The following MARCHF4 variants were observed in gnomAD, a reference collection of about 807,000 sequenced individuals.
MARCHF4 encodes the protein membrane associated ring-CH-type finger 4.
In MARCHF4, 14 loss-of-function variants were observed where a neutral mutation model predicts 43.9. The ratio of observed to expected loss-of-function variants is 0.32; its 90% confidence interval spans 0.21 to 0.50. The LOEUF is 0.50. MARCHF4 is among the 20% of genes least tolerant of loss of function. MARCHF4 has a pLI of 0.98. For missense variants in MARCHF4, 468 were observed against 536.7 expected, an observed-to-expected ratio of 0.87 and a Z score of 1.27; for synonymous variants, 226 against 213.3, an observed-to-expected ratio of 1.06 and a Z score of -0.52.
At chr2:216,265,439 C>G (rs1286839123) in intron 3 of MARCHF4, 1 of 152,260 alleles carries the variant, frequency 6.6e-6, no homozygotes. Flanking sequence ...CACTCCATGT[C>G]CTGCTAATGG....
intron 2 of MARCHF4, among the ~76,000 whole-genome samples, chr2:216,278,596 TTTTTTG>T (rs1283891582): frequency 6.6e-6 from 1 of 152,166 alleles, no homozygotes; most frequent in African/African-American, 2.4e-5. Context: ...GTGCACAGGC[TTTTTTG>T]TTTTTGATTT....
At chr2:216,364,401 G>A (rs1559108633) in intron 1 of MARCHF4, among the ~76,000 whole-genome samples, 1 of 152,108 alleles carries the variant, frequency 6.6e-6, no homozygotes, top group Non-Finnish European at 1.5e-5. Context: ...TCCCTTTGCA[G>A]TGCTCCCCTT....
intron 1 of MARCHF4, among the ~76,000 whole-genome samples, chr2:216,359,202 C>T (rs1692542432): frequency 6.6e-6 from 1 of 152,192 alleles, no homozygotes; most frequent in African/African-American, 2.4e-5. Flanking sequence ...ATCCCTGAGG[C>T]AGGGGAGAAG....
chr2:216,262,378 G>T (rs984101617), intron 3 of MARCHF4, among the ~76,000 whole-genome samples: 18 of 152,158 alleles, frequency 1.2e-4, no homozygotes, highest in Admixed American at 2.6e-4. Context: ...AGGGTAAACG[G>T]TTTCCCTGGG....
At chr2:216,294,757 G>A (rs1691362816) in intron 1 of MARCHF4, among the ~76,000 whole-genome samples, 1 of 152,124 alleles carries the variant, frequency 6.6e-6, no homozygotes, top group Admixed American at 6.5e-5. Flanking sequence ...GTGAAGCGCT[G>A]GACCAGATAC....
rs781067529 is a variant in MARCHF4, at chr2:216,370,154, C to A, written c.107G>T (p.Gly36Val). The A allele has an allele frequency of 8.1e-6, 13 of 1,610,056 alleles. No individual in the cohort carries two copies. Among genetic ancestry groups the A allele is most frequent in the Non-Finnish European group, 3.4e-6 (4 of 1,178,578 alleles). ...APAPQMLRHQ[G>V]LLKCRCRMLF... ...CATGCGGCAGCGGCACTTGAGGAGA[C>A]CCTGGTGGCGCAACATCTGGGGGGC... is the stretch of plus-strand genomic sequence containing the variant. Residue 36 changes from glycine (G) to valine (V), a missense_variant, in exon 1 of 4, where the codon GGT (glycine) becomes GTT (valine). Around this residue, in one of 3 missense-constraint regions of MARCHF4, gnomAD observed 190 missense variants for 158.5 expected, o/e 1.20. Transcript: ENST00000273067.
chr2:216,304,625 G>A (rs144396702), intron 1 of MARCHF4, among the ~76,000 whole-genome samples: 27 of 152,232 alleles, frequency 1.8e-4, no homozygotes, highest in African/African-American at 6.5e-4. Context: ...ATGTATTTTT[G>A]TTTTTATTCC....
chr2:216,310,202 C>T (rs1315887359), intron 1 of MARCHF4, among the ~76,000 whole-genome samples: 1 of 152,190 alleles, frequency 6.6e-6, no homozygotes, highest in East Asian at 1.9e-4. Flanking sequence ...TGATGAGTCT[C>T]CATCCTTGCT....
At chr2:216,266,201 A>T (rs973308640) in intron 3 of MARCHF4, 2 of 151,998 alleles carry the variant, frequency 1.3e-5, no homozygotes, top group Non-Finnish European at 2.9e-5. Context: ...CCACTTACTC[A>T]CCTTGCGGCT....
At chr2:216,262,464 G>A (rs1484565351) in intron 3 of MARCHF4, among the ~76,000 whole-genome samples, 18 of 152,222 alleles carry the variant, frequency 1.2e-4, no homozygotes, top group Admixed American at 1.2e-3. Context: ...GGCTGGGGAT[G>A]AGAATACGAA....
chr2:216,306,586 C>A (rs79982828), intron 1 of MARCHF4, among the ~76,000 whole-genome samples: 1 of 152,004 alleles, frequency 6.6e-6, no homozygotes, highest in Non-Finnish European at 1.5e-5. Flanking sequence ...ATATTGAATA[C>A]TTCTAAATAT....
rs563139331 is a variant in MARCHF4, at chr2:216,370,405, G to T, written c.-145C>A. 5 of 598,626 alleles carry T rather than the reference G, an allele frequency of 8.4e-6. No homozygotes were observed. In the South Asian group the frequency reaches 1.3e-4, roughly 15 times the overall value. The allele number at this position is 598,626 out of a possible 1,614,324, so 37.1% of individuals were successfully genotyped here. A position where few individuals can be genotyped will look rare whatever the true frequency, so the allele number is the denominator to read the frequency against. ...GCTTTTCTTACAACCCCTCCAAGTA[G>T]CAAATAAATTGCTCCCAGGACTGAG... On this transcript the variant is annotated 5_prime_UTR_variant, in exon 1 of 4. Coordinates refer to ENST00000273067, the MANE Select transcript of MARCHF4 (RefSeq NM_020814.3).
chr2:216,272,813 G>C (rs1690961118), intron 3 of MARCHF4, among the ~76,000 whole-genome samples: 1 of 152,190 alleles, frequency 6.6e-6, no homozygotes, highest in Admixed American at 6.5e-5. Context: ...TTTGTCTGTC[G>C]AGGCAGCTTG....
At chr2:216,337,303 G>A (rs977895720) in intron 1 of MARCHF4, among the ~76,000 whole-genome samples, 5 of 152,136 alleles carry the variant, frequency 3.3e-5, no homozygotes, top group African/African-American at 9.7e-5. Flanking sequence ...ATGGATCAGC[G>A]GACTGTTATG....
At chr2:216,300,135 C>T in intron 1 of MARCHF4, among the ~76,000 whole-genome samples, 1 of 152,090 alleles carries the variant, frequency 6.6e-6, no homozygotes, top group Non-Finnish European at 1.5e-5. Flanking sequence ...TGACCTTGGG[C>T]AATTCCCTTA....
intron 1 of MARCHF4, among the ~76,000 whole-genome samples, chr2:216,327,842 T>C (rs1692019801): frequency 6.6e-6 from 1 of 151,966 alleles, no homozygotes; most frequent in Non-Finnish European, 1.5e-5. Context: ...GTTCTACAGG[T>C]GTGAAACCAG....
intron 1 of MARCHF4, among the ~76,000 whole-genome samples, chr2:216,290,522 T>C (rs115527286): frequency 6.6e-6 from 1 of 151,996 alleles, no homozygotes; most frequent in Non-Finnish European, 1.5e-5. Context: ...CATTTGTGAG[T>C]GAGATGGGCA....
In MARCHF4 at chr2:216,259,240, G is replaced by A. The variant is rs1485211227; in HGVS notation, c.*72C>T. ...CCTGCTCCCTCTGTTGGCTCTGGGGGTGCCACTGCACCTCCCCACCCTGCT... is the reference window on the plus strand; with the variant it reads ...CCTGCTCCCTCTGTTGGCTCTGGGGATGCCACTGCACCTCCCCACCCTGCT... On this transcript the variant is annotated 3_prime_UTR_variant, in exon 4 of 4. Transcript: ENST00000273067. 1 of 1,491,670 alleles carries A rather than the reference G, an allele frequency of 6.7e-7. No individual in the cohort carries two copies. The highest frequency in any genetic ancestry group is 8.9e-7 in the Non-Finnish European group (1 of 1,123,566). The allele number at this position is 1,491,670 out of a possible 1,614,324, so 92.4% of individuals were successfully genotyped here.
intron 1 of MARCHF4, among the ~76,000 whole-genome samples, chr2:216,301,810 G>A (rs2105949918): frequency 6.6e-6 from 1 of 152,280 alleles, no homozygotes; most frequent in South Asian, 2.1e-4. Context: ...TGGTGCCTTA[G>A]TTTTCTAATT....
Sources: gnomAD v4.1 joint callset for allele counts (sites outside exome capture counted in the v4.1 genomes callset) on GRCh38, gnomAD v4.1.1 for gene constraint, gnomAD v4.1.1 regional missense constraint, MANE v1.5 for transcripts, NCBI Gene and HGNC (gene_info 2026-07-23, HGNC 2026-07-21) for gene names.